ANKS1B: variants seen among roughly 807,000 people sequenced by gnomAD.
The protein encoded by ANKS1B is ankyrin repeat and sterile alpha motif domain-containing protein 1B.
A neutral mutation model predicts 148.3 loss-of-function variants in ANKS1B; 36 were observed. The observed-to-expected ratio is 0.24, with a 90% confidence interval of 0.19 to 0.32. The LOEUF (loss-of-function observed/expected upper bound fraction) is 0.32, where lower values mean the gene tolerates loss of function less well. Among genes scored for constraint, ANKS1B ranks in the 10% least tolerant of loss-of-function variants. The probability of loss-of-function intolerance (pLI) is 1.00; values close to 1 mark genes in which losing one functional copy is unlikely to be tolerated. For missense variants in ANKS1B, 1,157 were observed against 1,542.6 expected (o/e 0.75, Z 4.19); for synonymous variants, 542 against 560.8 (o/e 0.97, Z 0.47).
chr12:98,755,088 G>A (rs750958381), intron 25 of ANKS1B, among the ~76,000 whole-genome samples: 4 of 152,038 alleles, frequency 2.6e-5, no homozygotes, highest in Non-Finnish European at 5.9e-5. Flanking sequence ...TCCAAGTGCT[G>A]TGTTGCCCAT....
chr12:99,734,478 G>C (rs545157847), intron 8 of ANKS1B, among the ~76,000 whole-genome samples: 10 of 152,164 alleles, frequency 6.6e-5, no homozygotes, highest in African/African-American at 2.4e-4. Flanking sequence ...ATTTTTAGTA[G>C]AAATGGGGTT....
rs925806726 is a variant in ANKS1B, at chr12:99,077,517, A to G, written c.2625+7408T>C. Among the ~76,000 whole-genome samples the G allele has an allele frequency of 1.2e-4, 18 of 152,168 alleles. 1 individual carries two copies. The highest frequency in any genetic ancestry group is 4.3e-4 in the African/African-American group (18 of 41,438). ...AAAAATACCAGAAGAAATAAGAACAAGTTTCTATCATTTTTCTAAGTGACA... is the reference window on the plus strand; with the variant it reads ...AAAAATACCAGAAGAAATAAGAACAGGTTTCTATCATTTTTCTAAGTGACA... On this transcript the variant is annotated intron_variant, in intron 16 of 26. Transcript: ENST00000683438.
chr12:99,166,783 T>G (rs965621683), intron 14 of ANKS1B, among the ~76,000 whole-genome samples: 1 of 152,090 alleles, frequency 6.6e-6, no homozygotes, highest in African/African-American at 2.4e-5. Context: ...TCATATGAAG[T>G]GCAAATGACC....
intron 25 of ANKS1B, among the ~76,000 whole-genome samples, chr12:98,752,017 T>C (rs11610211): frequency 0.014 from 2,131 of 152,328 alleles, 21 homozygotes; most frequent in South Asian, 0.034. Flanking sequence ...AATTGTGTAT[T>C]CAGTGAAAGG....
chr12:99,174,351 C>A (rs1394287173), intron 14 of ANKS1B, among the ~76,000 whole-genome samples: 1 of 152,206 alleles, frequency 6.6e-6, no homozygotes, highest in Non-Finnish European at 1.5e-5. Context: ...CCCAGTTAAG[C>A]CATGTCTAGA....
At chr12:99,592,711 A>G (rs1300846881) in intron 9 of ANKS1B, among the ~76,000 whole-genome samples, 3 of 152,188 alleles carry the variant, frequency 2.0e-5, no homozygotes, top group Non-Finnish European at 4.4e-5. Flanking sequence ...GAAGAGATTT[A>G]TTCTGAGCCA....
chr12:98,850,121 C>T (rs1390757531), intron 17 of ANKS1B, among the ~76,000 whole-genome samples: 1 of 152,116 alleles, frequency 6.6e-6, no homozygotes, highest in Non-Finnish European at 1.5e-5. Context: ...AACCCCATGA[C>T]ACACTATTTA....
intron 4 of ANKS1B, among the ~76,000 whole-genome samples, chr12:99,803,484 C>T (rs1455005090): frequency 6.6e-6 from 1 of 152,124 alleles, no homozygotes; most frequent in Non-Finnish European, 1.5e-5. Flanking sequence ...TATAGCAACA[C>T]AGAAGTTGTC....
At chr12:98,897,272 ATAAACAGAG>A (rs1294828703) in intron 17 of ANKS1B, among the ~76,000 whole-genome samples, 1 of 152,196 alleles carries the variant, frequency 6.6e-6, no homozygotes, top group Non-Finnish European at 1.5e-5. Context: ...CAGCAAAATA[ATAAACAGAG>A]TAAACAGACA....
chr12:99,421,178 C>G (rs2095069052), intron 11 of ANKS1B, among the ~76,000 whole-genome samples: 1 of 152,232 alleles, frequency 6.6e-6, no homozygotes, highest in South Asian at 2.1e-4. Context: ...TAGGATCTAA[C>G]TGAAAGAAGA....
rs76505337 is a variant in ANKS1B at position 99,692,238 on chromosome 12, T to C, written c.1129-37028A>G. 1.6e-4 allele frequency among the ~76,000 whole-genome samples: 24 copies of C among 147,812 alleles called. No homozygotes were observed. The East Asian group carries it at 5.0e-3, about 31-fold the overall frequency. ...TAACAGAAGAAGGAATGAGACTAGT[T>C]AGAAGGCTGTTACAATAATCCGGTG... is the stretch of plus-strand genomic sequence containing the variant. On this transcript the variant is annotated intron_variant, in intron 8 of 26. Coordinates refer to ENST00000683438, the MANE Select transcript of ANKS1B (RefSeq NM_001352186.2).
chr12:99,884,691 CA>C (rs895421760), intron 1 of ANKS1B, among the ~76,000 whole-genome samples: 1 of 151,436 alleles, frequency 6.6e-6, no homozygotes, highest in Non-Finnish European at 1.5e-5. Flanking sequence ...CTGGAAAAAG[CA>C]AAAAAACAGG....
chr12:99,463,820 A>G (rs796220469), intron 10 of ANKS1B, among the ~76,000 whole-genome samples: 7 of 152,346 alleles, frequency 4.6e-5, no homozygotes, highest in East Asian at 3.9e-4. Flanking sequence ...ACCACAGCTC[A>G]AGGAGGCCTG....
At chr12:99,145,193 G>C (rs183078099) in intron 15 of ANKS1B, among the ~76,000 whole-genome samples, 1 of 152,214 alleles carries the variant, frequency 6.6e-6, no homozygotes, top group Admixed American at 6.5e-5. Flanking sequence ...CTTGTTTAAG[G>C]CTCCTCAGCA....
At chr12:99,091,752 A>G (rs1353186445) in intron 15 of ANKS1B, among the ~76,000 whole-genome samples, 1 of 152,028 alleles carries the variant, frequency 6.6e-6, no homozygotes, top group East Asian at 1.9e-4. Context: ...TGTGTCAGGC[A>G]CTGTTCTAAA....
At chr12:99,082,968 T>C (rs1346312957) in intron 16 of ANKS1B, among the ~76,000 whole-genome samples, 2 of 152,108 alleles carry the variant, frequency 1.3e-5, no homozygotes, top group Non-Finnish European at 2.9e-5. Context: ...GCTGAGAAGG[T>C]AATATTTTAA....
chr12:99,596,680 G>A (rs1304301081), intron 9 of ANKS1B, among the ~76,000 whole-genome samples: 3 of 151,908 alleles, frequency 2.0e-5, no homozygotes, highest in Non-Finnish European at 2.9e-5. Context: ...TGCACAAGTT[G>A]TTTTCTCAAA....
chr12:99,891,077 A>G (rs1170978165), intron 1 of ANKS1B, among the ~76,000 whole-genome samples: 1 of 152,216 alleles, frequency 6.6e-6, no homozygotes. Context: ...AAGAAGCATA[A>G]TGTTTTTGAA....
chr12:99,004,591 G>T (rs1255815284), intron 17 of ANKS1B, among the ~76,000 whole-genome samples: 1 of 151,724 alleles, frequency 6.6e-6, no homozygotes, highest in Admixed American at 6.6e-5. Flanking sequence ...AGAAAAATGA[G>T]AAAGGGTGGA....
Sources: allele counts gnomAD v4.1 joint callset (sites outside exome capture counted in the v4.1 genomes callset), GRCh38; gene constraint gnomAD v4.1.1; transcripts MANE v1.5; gene names NCBI Gene and HGNC (gene_info 2026-07-23, HGNC 2026-07-21).